TOPBP1: variants seen among roughly 807,000 people sequenced by gnomAD.
TOPBP1 encodes DNA topoisomerase II binding protein 1.
Under a neutral mutation model 167.7 loss-of-function variants are expected in TOPBP1, and 28 were observed. That is an observed-to-expected ratio of 0.17 (90% CI 0.12 to 0.23). The LOEUF is 0.23. TOPBP1 is among the 10% of genes least tolerant of loss of function. TOPBP1 has a pLI of 1.00. For missense variants in TOPBP1, 1,554 were observed against 1,809.6 expected (o/e 0.86, Z 2.56); for synonymous variants, 598 against 611.4 (o/e 0.98, Z 0.32).
chr3:133,623,214 T>C (rs372231435), intron 18 of TOPBP1, 21 bp from the exon 19 acceptor site: 4 of 1,610,072 alleles, frequency 2.5e-6, no homozygotes, highest in East Asian at 2.2e-5. Context: ...AGAAAAATTA[T>C]AAATTCTCAA....
Position 133,601,415 on chromosome 3 carries a change from A to AT in TOPBP1, c.4426-23dup, listed in dbSNP as rs1306410041. On this transcript the variant is annotated intron_variant, in intron 27 of 27. Transcript: ENST00000260810. ...ATTCCTATAAAAGGAAAAATAAGTG[A>AT]TTTTTTAAAATGATTTCAAACATTT... 1.1e-5 allele frequency: 16 copies of AT among 1,431,442 alleles called. No individual in the cohort carries two copies. In the African/African-American group the frequency reaches 2.1e-4, roughly 19 times the overall value. 88.7% of individuals were successfully genotyped at this position (1,431,442 alleles called of 1,614,324 possible).
At chr3:133,629,817 C>T (rs990500877) in intron 14 of TOPBP1, among the ~76,000 whole-genome samples, 7 of 152,022 alleles carry the variant, frequency 4.6e-5, no homozygotes, top group East Asian at 1.9e-4. Context: ...GACGGAGTCT[C>T]GCTCTGTCAC....
chr3:133,638,078 T>C lies in TOPBP1; in HGVS notation c.2318A>G (p.His773Arg), dbSNP rs778991061. The C allele has an allele frequency of 1.2e-6, 2 of 1,614,016 alleles. No individual in the cohort carries two copies. The highest frequency in any genetic ancestry group is 1.7e-6 in the Non-Finnish European group (2 of 1,179,870). Residue 773 changes from histidine to arginine, a missense_variant, in exon 14 of 28, where the codon CAC becomes CGC. By Grantham distance (29) the His-to-Arg change is conservative. Around this residue, in one of 3 missense-constraint regions of TOPBP1, gnomAD observed 1,197 missense variants for 1,351.5 expected, o/e 0.89. Coordinates refer to ENST00000260810, the MANE Select transcript of TOPBP1 (RefSeq NM_007027.4). Reference sequence around the variant, plus strand: ...TAAAGGTGTAACGACGGTTTTTCTGTGAGTTTGCAGGCGTGTGCCAGGATG... The same window carrying C: ...TAAAGGTGTAACGACGGTTTTTCTGCGAGTTTGCAGGCGTGTGCCAGGATG... ...AEHPGTRLQT[H>R]RKTVVTPLDM... is the part of the protein sequence containing the mutation.
intron 16 of TOPBP1, among the ~76,000 whole-genome samples, chr3:133,627,014 G>A (rs536916894): frequency 2.0e-5 from 3 of 152,154 alleles, no homozygotes; most frequent in Non-Finnish European, 4.4e-5. Context: ...TGATGGAAGG[G>A]AACATTTGGA....
chr3:133,609,238 A>AT (rs1485440179), intron 25 of TOPBP1, among the ~76,000 whole-genome samples: 1 of 152,016 alleles, frequency 6.6e-6, no homozygotes, highest in Non-Finnish European at 1.5e-5. Context: ...CTTTTCTAGT[A>AT]TTTTTTTCTT....
rs1235473533 is a variant in TOPBP1, at chr3:133,651,170, CCTTTTTTT to C, written c.1090-1235_1090-1228del. 3.7e-5 allele frequency among the ~76,000 whole-genome samples: 5 copies of C among 135,590 alleles called. 1 individual carries two copies. Among genetic ancestry groups the C allele is most frequent in the African/African-American group, 1.4e-4 (5 of 36,628 alleles). 89.0% of individuals were successfully genotyped at this position (135,590 alleles called of 152,430 possible). A position where few individuals can be genotyped will look rare whatever the true frequency, so the allele number is the denominator to read the frequency against. ...AAAAAAAGGTAATTTGCCGAATTTC[CCTTTTTTT>C]TTTTTTTTTTTTTTTTTTAAATTTT... On this transcript the variant is annotated intron_variant, in intron 8 of 27. Transcript: ENST00000260810.
In TOPBP1 at chr3:133,620,173, C is replaced by T. The variant is rs761611328; in HGVS notation, c.3353G>A (p.Arg1118Lys). The change falls in exon 20 of 28, where the codon AGA becomes AAA. Residue 1118 changes from arginine to lysine, a missense_variant. This residue lies in a region of TOPBP1 where 1,197 missense variants were observed against 1,351.5 expected (regional missense o/e 0.89). Coordinates refer to ENST00000260810, the MANE Select transcript of TOPBP1 (RefSeq NM_007027.4). ...TACACACCTCAGTGCCTCTAGGACT[C>T]TACTTCGTCCACTGCGAGCAGAGCG... ...STRSARSGRS[R>K]VLEALRQSRQ... 5.6e-6 allele frequency: 9 copies of T among 1,613,392 alleles called. No homozygotes were observed. The highest frequency in any genetic ancestry group is 6.8e-6 in the Non-Finnish European group (8 of 1,179,650).
rs757608581 is a variant in TOPBP1, at chr3:133,612,394, C to T, written c.4030G>A (p.Val1344Met). 1.2e-5 allele frequency: 20 copies of T among 1,613,742 alleles called. No individual in the cohort carries two copies. Among genetic ancestry groups the T allele is most frequent in the Non-Finnish European group, 1.7e-5 (20 of 1,179,770 alleles). The change falls in exon 24 of 28, where the codon GTG (valine) becomes ATG (methionine). Residue 1344 changes from valine (V) to methionine (M), a missense_variant. Coordinates refer to ENST00000260810, the MANE Select transcript of TOPBP1 (RefSeq NM_007027.4). The stretch of plus-strand genomic sequence containing the variant: ...CCACAAATCTGAATACACACCTGCA[C>T]GAAGTGTCCAGCAGTCCTGCAGGCT... ...LEACRTAGHF[V>M]QEEDYEWGSS...
chr3:133,623,985 T>A, intron 17 of TOPBP1, 67 bp downstream of exon 17: 2 of 1,517,516 alleles, frequency 1.3e-6, no homozygotes, highest in Non-Finnish European at 1.8e-6. Context: ...CTTGAGTTAG[T>A]GCTCTGAAAT....
chr3:133,641,773 T>C (rs926755162), intron 12 of TOPBP1, among the ~76,000 whole-genome samples: 1 of 152,242 alleles, frequency 6.6e-6, no homozygotes, highest in Admixed American at 6.5e-5. Context: ...TCATGTATGT[T>C]ATTATCTTCC....
chr3:133,655,634 T>G (rs1429655166), intron 5 of TOPBP1, 148 bp from the exon 6 acceptor site: 3 of 448,240 alleles, frequency 6.7e-6, no homozygotes, highest in Non-Finnish European at 1.2e-5. Context: ...AGAATTACAC[T>G]AATTGTTCAC....
chr3:133,652,665 T>C, intron 7 of TOPBP1, 36 bp from the exon 8 acceptor site: 4 of 1,514,922 alleles, frequency 2.6e-6, no homozygotes, highest in Non-Finnish European at 3.6e-6. Flanking sequence ...TTATGGGAGA[T>C]AAAATAATCA....
At chr3:133,602,060 C>A (rs1934323768) in intron 27 of TOPBP1, among the ~76,000 whole-genome samples, 1 of 152,172 alleles carries the variant, frequency 6.6e-6, no homozygotes, top group Non-Finnish European at 1.5e-5. Context: ...TGTTAAACAA[C>A]ACAGTACTCT....
At chr3:133,643,466 T>G in intron 11 of TOPBP1, 94 bp from the exon 12 acceptor site, 1 of 1,115,456 alleles carries the variant, frequency 9.0e-7, no homozygotes, top group Non-Finnish European at 1.2e-6. Flanking sequence ...TTAGTTTTGA[T>G]AAGAAGAAAT....
intron 8 of TOPBP1, among the ~76,000 whole-genome samples, chr3:133,650,879 T>C (rs1003094211): frequency 1.1e-4 from 16 of 152,072 alleles, no homozygotes; most frequent in Non-Finnish European, 2.2e-4. Flanking sequence ...GAGGCCAAGG[T>C]GGGCAGACTG....
chr3:133,613,417 G>A (rs1934748484), intron 23 of TOPBP1, among the ~76,000 whole-genome samples: 1 of 152,168 alleles, frequency 6.6e-6, no homozygotes, highest in Non-Finnish European at 1.5e-5. Context: ...GCTGTAGTTG[G>A]TTATGTCTCT....
chr3:133,651,430 C>T (rs746576626), intron 8 of TOPBP1, among the ~76,000 whole-genome samples: 1 of 151,904 alleles, frequency 6.6e-6, no homozygotes, highest in Non-Finnish European at 1.5e-5. Flanking sequence ...CCTCAGGTAT[C>T]TGCCCACCTT....
chr3:133,620,384 T>G, intron 19 of TOPBP1, 37 bp from the exon 20 acceptor site: 2 of 1,584,662 alleles, frequency 1.3e-6, no homozygotes, highest in Non-Finnish European at 1.7e-6. Context: ...CAAGGTAAGT[T>G]CCTCTTTTTT....
At chr3:133,649,183 T>G (rs1936191956) in intron 10 of TOPBP1, among the ~76,000 whole-genome samples, 200 bp downstream of exon 10, 1 of 152,204 alleles carries the variant, frequency 6.6e-6, no homozygotes, top group African/African-American at 2.4e-5. Flanking sequence ...GCTAGTTAGC[T>G]GGAGACAGGA....
Sources: allele counts gnomAD v4.1 joint callset (sites outside exome capture counted in the v4.1 genomes callset), GRCh38; gene constraint gnomAD v4.1.1; regional missense constraint gnomAD v4.1.1; transcripts MANE v1.5; gene names NCBI Gene and HGNC (gene_info 2026-07-23, HGNC 2026-07-21).